TMTC2: variants seen among roughly 807,000 people sequenced by gnomAD.
The protein encoded by TMTC2 is transmembrane O-mannosyltransferase targeting cadherins 2.
Under a neutral mutation model 82.4 loss-of-function variants are expected in TMTC2, and 43 were observed. The ratio of observed to expected loss-of-function variants is 0.52; its 90% CI spans 0.41 to 0.67. The LOEUF (loss-of-function observed/expected upper bound fraction) is 0.67, where lower values mean the gene tolerates loss of function less well. Among genes scored for constraint, TMTC2 ranks in the 30% least tolerant of loss-of-function variants. The pLI is 0.00. For missense variants in TMTC2, 919 were observed against 1,012.4 expected (o/e 0.91, Z 1.25); for synonymous variants, 408 against 381.9 (o/e 1.07, Z -0.80).
chr12:82,881,902 A>G (rs974442208), intron 2 of TMTC2, among the ~76,000 whole-genome samples: 8 of 152,068 alleles, frequency 5.3e-5, no homozygotes, highest in Non-Finnish European at 1.0e-4. Flanking sequence ...TAAGATACAT[A>G]GGTCTGAAAA....
intron 1 of TMTC2, among the ~76,000 whole-genome samples, chr12:82,730,445 T>A (rs576163381): frequency 6.6e-6 from 1 of 152,282 alleles, no homozygotes; most frequent in South Asian, 2.1e-4. Context: ...GAGTTCAAGC[T>A]TTGCTAGTTA....
At chr12:83,003,631 T>C (rs1880021974) in intron 8 of TMTC2, among the ~76,000 whole-genome samples, 1 of 152,146 alleles carries the variant, frequency 6.6e-6, no homozygotes, top group South Asian at 2.1e-4. Context: ...TCCTTTAGTA[T>C]TTACATGGCT....
At chr12:82,802,839 A>G (rs1046183842) in intron 1 of TMTC2, among the ~76,000 whole-genome samples, 1 of 152,154 alleles carries the variant, frequency 6.6e-6, no homozygotes, top group Admixed American at 6.5e-5. Flanking sequence ...CAGGCTCTGC[A>G]GAAGAAAAGG....
chr12:82,778,481 C>T (rs1243512544), intron 1 of TMTC2, among the ~76,000 whole-genome samples: 5 of 152,162 alleles, frequency 3.3e-5, no homozygotes, highest in African/African-American at 1.2e-4. Flanking sequence ...TTTGGGAGGC[C>T]AAGGCGAGCA....
At chr12:83,065,336 A>G (rs928102871) in intron 11 of TMTC2, among the ~76,000 whole-genome samples, 9 of 151,924 alleles carry the variant, frequency 5.9e-5, no homozygotes, top group Admixed American at 2.6e-4. Context: ...TTATATATGA[A>G]GAATTCCAGT....
intron 3 of TMTC2, among the ~76,000 whole-genome samples, chr12:82,923,336 G>T (rs1875504545): frequency 6.6e-6 from 1 of 151,948 alleles, no homozygotes; most frequent in Admixed American, 6.6e-5. Flanking sequence ...TCCTCTATTG[G>T]ATTTCTTATT....
chr12:83,107,520 G>A (rs1164650019), intron 11 of TMTC2, among the ~76,000 whole-genome samples: 1 of 152,202 alleles, frequency 6.6e-6, no homozygotes, highest in East Asian at 1.9e-4. Context: ...CCTTGATTCA[G>A]ACCTTATCTA....
intron 1 of TMTC2, among the ~76,000 whole-genome samples, chr12:82,762,707 G>A (rs1384997898): frequency 6.6e-6 from 1 of 152,002 alleles, no homozygotes; most frequent in Admixed American, 6.6e-5. Context: ...AAAAACACAG[G>A]GAGAATGGTG....
At chr12:82,937,761 T>TAC (rs1565818256) in intron 4 of TMTC2, among the ~76,000 whole-genome samples, 1 of 36,620 alleles carries the variant, frequency 2.7e-5, no homozygotes, top group Non-Finnish European at 6.0e-5. Flanking sequence ...TATATATATA[T>TAC]ATATATATAT....
At chr12:82,964,975 A>T in intron 4 of TMTC2, 49 bp from the exon 5 acceptor site, 1 of 1,368,864 alleles carries the variant, frequency 7.3e-7, no homozygotes, top group Non-Finnish European at 1.0e-6. Flanking sequence ...TTGTGGTTTT[A>T]TATATAATAA....
rs1002782943 is a variant in TMTC2 at position 82,827,962 on chromosome 12, G to A, written c.84-29048G>A. Among the ~76,000 whole-genome samples the A allele has an allele frequency of 5.3e-5, 8 of 149,776 alleles. No individual in the cohort carries two copies. The South Asian group carries it at 6.3e-4, about 12-fold the overall frequency. On this transcript the variant is annotated intron_variant, in intron 1 of 11. Transcript: ENST00000321196. ...AGCTGGAGTGCAGTGGCACGATCTCGGCTCACTGCAACCTCCGCCTCCCCG... is the reference window on the plus strand; with the variant it reads ...AGCTGGAGTGCAGTGGCACGATCTCAGCTCACTGCAACCTCCGCCTCCCCG...
chr12:82,957,384 G>A (rs190670174), intron 4 of TMTC2, among the ~76,000 whole-genome samples: 13 of 152,132 alleles, frequency 8.5e-5, no homozygotes, highest in African/African-American at 1.4e-4. Context: ...AGCAAAAGCC[G>A]TGTTAAGAGA....
intron 1 of TMTC2, among the ~76,000 whole-genome samples, chr12:82,805,870 T>G (rs751190625): frequency 6.6e-6 from 1 of 152,060 alleles, no homozygotes; most frequent in Non-Finnish European, 1.5e-5. Context: ...CTATATAAAA[T>G]TTTTAGTTTT....
rs145781043 is a variant in TMTC2 at position 83,108,002 on chromosome 12, C to G, written c.2332-24208C>G. Among the ~76,000 whole-genome samples the G allele has an allele frequency of 3.5e-3, 533 of 151,992 alleles. 1 individual carries two copies. Among genetic ancestry groups the G allele is most frequent in the African/African-American group, 0.012 (511 of 41,438 alleles). ...ATGGTTGTTTAAAAGTGTGTAGAAC[C>G]TCCCACTTCTCTTCTTCCTTCTGCT... On this transcript the variant is annotated intron_variant, in intron 11 of 11. Transcript: ENST00000321196.
intron 10 of TMTC2, among the ~76,000 whole-genome samples, chr12:83,058,658 G>A (rs1270341352): frequency 7.2e-5 from 11 of 151,808 alleles, no homozygotes; most frequent in Admixed American, 7.2e-4. Context: ...TGCCCATCTG[G>A]ATCCATTGTG....
At chr12:82,693,801 CTA>C (rs1227359493) in intron 1 of TMTC2, among the ~76,000 whole-genome samples, 2 of 151,902 alleles carry the variant, frequency 1.3e-5, no homozygotes, top group African/African-American at 4.8e-5. Flanking sequence ...AACCTCGTCT[CTA>C]CTAAAAATAT....
chr12:82,949,922 A>G (rs995289639), intron 4 of TMTC2, among the ~76,000 whole-genome samples: 6 of 152,180 alleles, frequency 3.9e-5, no homozygotes, highest in Non-Finnish European at 8.8e-5. Context: ...ATAGAGGTTG[A>G]CTGTCATTGG....
intron 1 of TMTC2, among the ~76,000 whole-genome samples, chr12:82,724,492 G>A (rs1199044610): frequency 6.6e-6 from 1 of 152,182 alleles, no homozygotes; most frequent in Non-Finnish European, 1.5e-5. Flanking sequence ...AAAAGTGGCA[G>A]TTCCCCTGCG....
intron 2 of TMTC2, among the ~76,000 whole-genome samples, chr12:82,858,441 G>T (rs1280703292): frequency 6.6e-6 from 1 of 152,170 alleles, no homozygotes; most frequent in African/African-American, 2.4e-5. Context: ...GCCAACTTTG[G>T]TCATGTTTTA....
Sources: gnomAD v4.1 joint callset for allele counts (sites outside exome capture counted in the v4.1 genomes callset) on GRCh38, gnomAD v4.1.1 for gene constraint, MANE v1.5 for transcripts, NCBI Gene and HGNC (gene_info 2026-07-23, HGNC 2026-07-21) for gene names.